The following FAM185A variants were observed in gnomAD, a reference collection of about 807,000 sequenced individuals.
The protein encoded by FAM185A is protein FAM185A.
Under a neutral mutation model 45.7 loss-of-function variants are expected in FAM185A, and 21 were observed. The observed-to-expected ratio is 0.46, with a 90% CI of 0.33 to 0.66. FAM185A has a LOEUF of 0.66. FAM185A is among the 30% of genes least tolerant of loss of function. The pLI is 0.03. For synonymous variants in FAM185A, 117 were observed against 194.0 expected (o/e 0.60, Z 3.30); for missense variants, 305 against 485.4 (o/e 0.63, Z 3.49).
intron 6 of FAM185A, among the ~76,000 whole-genome samples, chr7:102,783,124 A>T (rs1365279637): frequency 1.3e-5 from 2 of 151,770 alleles, no homozygotes; most frequent in African/African-American, 2.4e-5. Flanking sequence ...TATGCACCCA[A>T]TACAGGAGCA....
At chr7:102,813,433 A>G (rs1196026957), downstream of FAM185A, 2 of 1,614,060 alleles carry the variant, frequency 1.2e-6, no homozygotes, top group African/African-American at 2.7e-5. Flanking sequence ...AAGCTCTGTA[A>G]CAGGGTTTCC....
chr7:102,844,345 A>G, the FAM185A span, among the ~76,000 whole-genome samples: 11 of 152,198 alleles, frequency 7.2e-5, no homozygotes, highest in Non-Finnish European at 1.5e-4. Flanking sequence ...AAAAGAAATA[A>G]AACTGCACAG....
chr7:102,821,343 C>T, the FAM185A span, among the ~76,000 whole-genome samples: 2 of 152,250 alleles, frequency 1.3e-5, no homozygotes, highest in East Asian at 3.9e-4. Flanking sequence ...GTCTATTTTA[C>T]AAGTAATTTT....
the FAM185A span, among the ~76,000 whole-genome samples, chr7:102,844,130 C>A: frequency 5.3e-5 from 8 of 152,132 alleles, no homozygotes; most frequent in African/African-American, 1.9e-4. Context: ...TAAATACTAC[C>A]CACTGCATTC....
intron 7 of FAM185A, among the ~76,000 whole-genome samples, chr7:102,789,111 A>G (rs1274096141): frequency 6.6e-6 from 1 of 152,186 alleles, no homozygotes; most frequent in East Asian, 1.9e-4. Context: ...AATTAGCCTT[A>G]GTTTACTGTA....
intron 4 of FAM185A, among the ~76,000 whole-genome samples, chr7:102,767,450 G>T (rs1438767766): frequency 6.6e-6 from 1 of 152,140 alleles, no homozygotes; most frequent in Admixed American, 6.5e-5. Context: ...TACTTTTATG[G>T]AAGAAGAGAG....
intron 6 of FAM185A, among the ~76,000 whole-genome samples, chr7:102,786,267 G>A (rs924135840): frequency 2.0e-5 from 3 of 152,226 alleles, no homozygotes; most frequent in African/African-American, 7.2e-5. Context: ...GTGGAAGTCA[G>A]TGTAGCGATT....
At chr7:102,774,777 A>T (rs1333742776) in intron 5 of FAM185A, among the ~76,000 whole-genome samples, 5 of 152,050 alleles carry the variant, frequency 3.3e-5, no homozygotes, top group East Asian at 1.9e-4. Context: ...TTATTATTTT[A>T]AAAAATAGAG....
chr7:102,806,315 G>T (rs1562881901), intron 7 of FAM185A, among the ~76,000 whole-genome samples: 1 of 152,136 alleles, frequency 6.6e-6, no homozygotes, highest in Non-Finnish European at 1.5e-5. Flanking sequence ...CTCCCAAGTA[G>T]CTGGGATTAC....
the FAM185A span, among the ~76,000 whole-genome samples, chr7:102,826,798 A>ATATATCTAATAAATGTATCT: frequency 4.4e-5 from 6 of 135,764 alleles, no homozygotes; most frequent in Non-Finnish European, 9.5e-5. Context: ...ATATATTAAT[A>ATATATCTAATAAATGTATCT]TATATCTAAT....
intron 2 of FAM185A, among the ~76,000 whole-genome samples, chr7:102,756,517 C>T (rs1474393717): frequency 1.3e-5 from 2 of 151,576 alleles, no homozygotes; most frequent in East Asian, 3.9e-4. Flanking sequence ...ATTAGCCTGG[C>T]GTGATGGCAT....
In FAM185A at chr7:102,808,951, A is replaced by G. The variant is rs1355531216; in HGVS notation, c.*549A>G. The G allele has an allele frequency of 6.5e-6, 1 of 154,316 alleles. No individual in the cohort carries two copies. The highest frequency in any genetic ancestry group is 1.9e-4 in the East Asian group (1 of 5,280). 9.6% of individuals were successfully genotyped at this position (154,316 alleles called of 1,614,324 possible). ...TTCTTCTGCAGCCAGCTGGAAGAAT[A>G]TATACTTTTAAAGGGCTCACTTGAT... On this transcript the variant is annotated 3_prime_UTR_variant, in exon 8 of 8. Transcript: ENST00000413034.
At position 102,749,618 on chromosome 7, in the gene FAM185A, C is replaced by T; in HGVS notation, c.411C>T (p.His137=). Residue 137 remains histidine (H), a synonymous_variant, in exon 1 of 8, where the codon CAC becomes CAT. Coordinates refer to ENST00000413034, the MANE Select transcript of FAM185A (RefSeq NM_001145268.2). ...EEMAIVSDTI[H]PQASVEVNAP... ...TGGCCATTGTGTCTGATACTATCCA[C>T]CCCCAGGCGTCCGTGGAGGTGAACG... 2.7e-6 allele frequency: 4 copies of T among 1,504,464 alleles called. No homozygotes were observed. The highest frequency in any genetic ancestry group is 2.6e-5 in the South Asian group (2 of 76,262). The allele number at this position is 1,504,464 out of a possible 1,614,324, so 93.2% of individuals were successfully genotyped here.
At chr7:102,824,785 C>CTT in the FAM185A span, among the ~76,000 whole-genome samples, 11 of 124,060 alleles carry the variant, frequency 8.9e-5, no homozygotes, top group African/African-American at 2.2e-4. Flanking sequence ...CATGCCCGGC[C>CTT]TTTTTTTTTT....
At chr7:102,787,133 T>A (rs901882282) in intron 6 of FAM185A, among the ~76,000 whole-genome samples, 16 of 152,196 alleles carry the variant, frequency 1.1e-4, no homozygotes, top group African/African-American at 3.4e-4. Flanking sequence ...ACCCATATTC[T>A]TTACAGAAGT....
chr7:102,788,741 T>C (rs936443690), intron 7 of FAM185A, among the ~76,000 whole-genome samples: 5 of 152,214 alleles, frequency 3.3e-5, no homozygotes, highest in African/African-American at 1.2e-4. Flanking sequence ...AGTGAACTTA[T>C]ACAAACCTAG....
At chr7:102,785,795 A>G (rs908642451) in intron 6 of FAM185A, among the ~76,000 whole-genome samples, 36 of 152,006 alleles carry the variant, frequency 2.4e-4, no homozygotes, top group Non-Finnish European at 3.7e-4. Context: ...CTAAAACACC[A>G]AAAGCAATGG....
the FAM185A span, among the ~76,000 whole-genome samples, chr7:102,830,211 A>G: frequency 6.6e-6 from 1 of 152,316 alleles, no homozygotes; most frequent in Admixed American, 6.5e-5. Context: ...AAAAAACCAA[A>G]GCAAACAAAC....
the FAM185A span, among the ~76,000 whole-genome samples, chr7:102,831,638 C>T: frequency 6.6e-6 from 1 of 152,092 alleles, no homozygotes; most frequent in Non-Finnish European, 1.5e-5. Flanking sequence ...CACTCTTAAC[C>T]CAGTTCCAAA....
Sources: gnomAD v4.1 joint callset for allele counts (sites outside exome capture counted in the v4.1 genomes callset) on GRCh38, gnomAD v4.1.1 for gene constraint, MANE v1.5 for transcripts, NCBI Gene and HGNC (gene_info 2026-07-23, HGNC 2026-07-21) for gene names.